The following ERI1 variants were observed in gnomAD, a reference collection of about 807,000 sequenced individuals.
The protein encoded by ERI1 is exoribonuclease 1, also known as 3'-5' exoribonuclease 1.
ERI1 carries 39 observed loss-of-function variants against 39.7 expected under a neutral mutation model. The ratio of observed to expected loss-of-function variants is 0.98; its 90% CI spans 0.76 to 1.28. The LOEUF (loss-of-function observed/expected upper bound fraction) is 1.28, where lower values mean the gene tolerates loss of function less well. Ranked by LOEUF, ERI1 falls within the 50% of genes most tolerant of loss-of-function variation. The probability of loss-of-function intolerance (pLI) is 0.00; values close to 1 mark genes in which losing one functional copy is unlikely to be tolerated. For synonymous variants in ERI1, 204 were observed against 149.6 expected, an observed-to-expected ratio of 1.36 and a Z score of -2.65; for missense variants, 581 against 416.9, an observed-to-expected ratio of 1.39 and a Z score of -3.43.
intron 3 of ERI1, among the ~76,000 whole-genome samples, chr8:9,056,620 G>C (rs1453349371): frequency 6.7e-6 from 1 of 148,868 alleles, no homozygotes; most frequent in African/African-American, 2.4e-5. Context: ...TTCGCGAAGG[G>C]CTCGGTTTTC....
At chr8:9,072,924 G>A (rs1328970988) in intron 3 of ERI1, among the ~76,000 whole-genome samples, 2 of 152,174 alleles carry the variant, frequency 1.3e-5, no homozygotes, top group African/African-American at 2.4e-5. Context: ...ACACCTGCCG[G>A]GATGCGTCTT....
At chr8:9,005,210 C>T (rs999845729) in intron 1 of ERI1, among the ~76,000 whole-genome samples, 4 of 151,888 alleles carry the variant, frequency 2.6e-5, no homozygotes, top group African/African-American at 7.3e-5. Flanking sequence ...AGAGGTTTTC[C>T]TTTTCTTTTT....
chr8:9,018,524 C>T, intron 5 of ERI1, 118 bp downstream of exon 5: 6 of 595,326 alleles, frequency 1.0e-5, no homozygotes, highest in Non-Finnish European at 1.7e-5. Context: ...AGTCTCACCC[C>T]ACAGGGAATA....
intron 3 of ERI1, among the ~76,000 whole-genome samples, chr8:9,014,694 G>T (rs888283059): frequency 6.6e-6 from 1 of 152,136 alleles, no homozygotes; most frequent in East Asian, 1.9e-4. Context: ...ATATATTTTT[G>T]AAAGAATGTC....
intron 6 of ERI1, among the ~76,000 whole-genome samples, chr8:9,026,192 C>T (rs912518712): frequency 2.6e-5 from 4 of 152,206 alleles, no homozygotes; most frequent in African/African-American, 9.7e-5. Flanking sequence ...GATTTTAGAG[C>T]ATTTCAGATT....
chr8:9,043,913 G>A (rs1187673831), intron 3 of ERI1, among the ~76,000 whole-genome samples: 8 of 152,132 alleles, frequency 5.3e-5, no homozygotes, highest in African/African-American at 1.4e-4. Flanking sequence ...CATAAGCAGG[G>A]AAAGATAGTT....
At chr8:9,017,409 A>AGG (rs1469347048) in intron 4 of ERI1, among the ~76,000 whole-genome samples, 7 of 152,102 alleles carry the variant, frequency 4.6e-5, no homozygotes, top group Admixed American at 4.6e-4. Context: ...TCATTTAGTT[A>AGG]GTTCATTCAT....
rs1180108111 is a variant in ERI1 at position 9,093,503 on chromosome 8, C to CT, written n.300-22844dup. 7.5e-5 allele frequency among the ~76,000 whole-genome samples: 8 copies of CT among 106,654 alleles called. No homozygotes were observed. In the South Asian group the frequency reaches 1.7e-3, roughly 22 times the overall value. 70.0% of individuals were successfully genotyped at this position (106,654 alleles called of 152,430 possible). A position where few individuals can be genotyped will look rare whatever the true frequency, so the allele number is the denominator to read the frequency against. ...ATTTTTGGAAGGGAAGACCTTGTCTCTAAAAAAAAAAAAAAAAAAGAAGAA... is the reference window on the plus strand; with the variant it reads ...ATTTTTGGAAGGGAAGACCTTGTCTCTTAAAAAAAAAAAAAAAAAAGAAGAA... On this transcript the variant is annotated intron_variant and non_coding_transcript_variant, in intron 3 of 3. Transcript: ENST00000518663.
At chr8:9,058,102 T>C (rs1367576091) in intron 3 of ERI1, among the ~76,000 whole-genome samples, 2 of 152,186 alleles carry the variant, frequency 1.3e-5, no homozygotes, top group East Asian at 3.8e-4. Context: ...GGCTGGCTGC[T>C]GCATTCAAAA....
chr8:9,094,174 G>GA (rs1799798578), intron 3 of ERI1, among the ~76,000 whole-genome samples: 1 of 152,154 alleles, frequency 6.6e-6, no homozygotes, highest in African/African-American at 2.4e-5. Flanking sequence ...GAGGACAATT[G>GA]AAACATTAGC....
In ERI1 at chr8:9,026,481, T is replaced by C. The variant is rs139065911; in HGVS notation, c.808-3311T>C. On this transcript the variant is annotated intron_variant, in intron 6 of 6. Transcript: ENST00000250263. ...ACCTCTTATAAGTGGAGGCGTACAG[T>C]ATTTGATCTTTTGTGACTGGCATAT... Among the ~76,000 whole-genome samples, 9 of 152,336 alleles carry C rather than the reference T, an allele frequency of 5.9e-5. No individual in the cohort carries two copies. The East Asian group carries it at 1.5e-3, about 26-fold the overall frequency.
At chr8:9,012,803 C>G (rs1014735174) in intron 3 of ERI1, among the ~76,000 whole-genome samples, 1 of 152,212 alleles carries the variant, frequency 6.6e-6, no homozygotes, top group Non-Finnish European at 1.5e-5. Context: ...TCACTGCCAG[C>G]TACTGCATTT....
intron 1 of ERI1, among the ~76,000 whole-genome samples, chr8:9,007,086 C>T (rs183862226): frequency 6.6e-6 from 1 of 152,146 alleles, no homozygotes; most frequent in African/African-American, 2.4e-5. Context: ...AAATAACTTA[C>T]AAATGAATCT....
intron 6 of ERI1, among the ~76,000 whole-genome samples, chr8:9,026,792 A>C (rs1355489605): frequency 6.6e-6 from 1 of 152,166 alleles, no homozygotes; most frequent in Non-Finnish European, 1.5e-5. Context: ...AAATCCAAAA[A>C]ATTTCAAATC....
chr8:9,068,160 A>T (rs540053414), intron 3 of ERI1, among the ~76,000 whole-genome samples: 31 of 152,148 alleles, frequency 2.0e-4, no homozygotes, highest in African/African-American at 5.5e-4. Flanking sequence ...AAATTCAAAA[A>T]TTTTTTCAGA....
At chr8:9,055,339 A>C (rs140984972) in intron 3 of ERI1, among the ~76,000 whole-genome samples, 23 of 152,374 alleles carry the variant, frequency 1.5e-4, no homozygotes, top group African/African-American at 4.6e-4. Flanking sequence ...GCTTTAGGTC[A>C]AACTTAAAAT....
chr8:9,049,064 C>T (rs964783203), intron 3 of ERI1, among the ~76,000 whole-genome samples: 4 of 151,940 alleles, frequency 2.6e-5, no homozygotes, highest in Admixed American at 6.6e-5. Flanking sequence ...GGCAGCTGGG[C>T]GCAGTGGCTT....
rs1253283576 is a variant in ERI1 at position 9,023,923 on chromosome 8, C to T, written c.807+3459C>T. Reference sequence around the variant, plus strand: ...AAGCAGTTCTCCTGCCTCAGCCTCCCGAGTAGCTGGGATTACAGGCATGTG... The same window carrying T: ...AAGCAGTTCTCCTGCCTCAGCCTCCTGAGTAGCTGGGATTACAGGCATGTG... On this transcript the variant is annotated intron_variant, in intron 6 of 6. Transcript: ENST00000250263. Among the ~76,000 whole-genome samples, 4 of 151,224 alleles carry T rather than the reference C, an allele frequency of 2.6e-5. No individual in the cohort carries two copies. The East Asian group carries it at 5.8e-4, about 22-fold the overall frequency.
At chr8:9,066,065 A>G (rs1013647362) in intron 3 of ERI1, among the ~76,000 whole-genome samples, 1 of 151,782 alleles carries the variant, frequency 6.6e-6, no homozygotes, top group East Asian at 1.9e-4. Context: ...TATCAACACC[A>G]CTATCTTCTC....
Sources: allele counts gnomAD v4.1 joint callset (sites outside exome capture counted in the v4.1 genomes callset), GRCh38; gene constraint gnomAD v4.1.1; transcripts MANE v1.5; gene names NCBI Gene and HGNC (gene_info 2026-07-23, HGNC 2026-07-21).